BPNT1: variants seen among roughly 807,000 people sequenced by gnomAD.
BPNT1 encodes the protein 3'(2'), 5'-bisphosphate nucleotidase 1.
A neutral mutation model predicts 36.9 loss-of-function variants in BPNT1; 28 were observed. The ratio of observed to expected loss-of-function variants is 0.76; its 90% CI spans 0.56 to 1.04. The LOEUF (loss-of-function observed/expected upper bound fraction) is 1.04. BPNT1 is among the 50% of genes least tolerant of loss of function. The probability of loss-of-function intolerance (pLI) is 0.00; values close to 1 mark genes in which losing one functional copy is unlikely to be tolerated. For synonymous variants in BPNT1, 119 were observed against 130.9 expected, an observed-to-expected ratio of 0.91 and a Z score of 0.62; for missense variants, 313 against 372.9, an observed-to-expected ratio of 0.84 and a Z score of 1.32.
At chr1:220,075,336 C>A (rs1482479617) in intron 2 of BPNT1, among the ~76,000 whole-genome samples, 1 of 152,174 alleles carries the variant, frequency 6.6e-6, no homozygotes, top group Non-Finnish European at 1.5e-5. Flanking sequence ...GCCAGTGCAC[C>A]CAGCCTCATC....
At chr1:220,083,895 C>T (rs536491163) in intron 1 of BPNT1, among the ~76,000 whole-genome samples, 5 of 152,130 alleles carry the variant, frequency 3.3e-5, no homozygotes, top group Non-Finnish European at 7.3e-5. Flanking sequence ...CAACCTCCCT[C>T]ATATACGGAG....
chr1:220,058,623 C>T lies in BPNT1; in HGVS notation c.*221G>A. ...CTCAGCTCACTGCAACCTCTGCCTT[C>T]CGGGCTCAAGAGATTCTTCTGCTTC... On this transcript the variant is annotated 3_prime_UTR_variant, in exon 9 of 9. Transcript: ENST00000322067. 1.3e-6 allele frequency: 1 copy of T among 789,850 alleles called. No homozygotes were observed. The highest frequency in any genetic ancestry group is 3.7e-5 in the Admixed American group (1 of 27,286). The allele number at this position is 789,850 out of a possible 1,614,324, so 48.9% of individuals were successfully genotyped here.
chr1:220,087,903 T>C (rs1164441930), intron 1 of BPNT1, among the ~76,000 whole-genome samples: 4 of 151,858 alleles, frequency 2.6e-5, no homozygotes, highest in Admixed American at 6.6e-5. Context: ...TGAGACAGAG[T>C]TTTTGCTCTT....
intron 1 of BPNT1, among the ~76,000 whole-genome samples, chr1:220,081,448 C>T (rs906480736): frequency 1.3e-5 from 2 of 151,856 alleles, no homozygotes; most frequent in Non-Finnish European, 2.9e-5. Flanking sequence ...GAGGCTAAGG[C>T]AGGAGAATCG....
intron 2 of BPNT1, among the ~76,000 whole-genome samples, chr1:220,079,247 A>C (rs1486399037): frequency 6.6e-6 from 1 of 151,422 alleles, no homozygotes; most frequent in Non-Finnish European, 1.5e-5. Context: ...GAAAGTCTGG[A>C]GTCTTTTTTT....
intron 2 of BPNT1, among the ~76,000 whole-genome samples, chr1:220,075,090 C>G (rs1342732420): frequency 6.6e-6 from 1 of 152,214 alleles, no homozygotes; most frequent in East Asian, 1.9e-4. Flanking sequence ...GTCGCCTAGG[C>G]TGGAGTGCAG....
At position 220,066,927 on chromosome 1, in the gene BPNT1, A is replaced by C. The variant is rs542039925; in HGVS notation, c.474+375T>G. 2 of 152,422 alleles carry C rather than the reference A, an allele frequency of 1.3e-5. 1 individual carries two copies. The highest frequency in any genetic ancestry group is 4.1e-4 in the South Asian group (2 of 4,830). 9.4% of individuals were successfully genotyped at this position (152,422 alleles called of 1,614,324 possible). ...GCCCAAGCTAATCAAGAACCCTATC[A>C]GTAATTCTCTCAACATTTATATTTG... On this transcript the variant is annotated intron_variant, in intron 6 of 8. Coordinates refer to ENST00000322067, the MANE Select transcript of BPNT1 (RefSeq NM_006085.6).
chr1:220,059,914 C>T, intron 7 of BPNT1, 123 bp from the exon 8 acceptor site: 1 of 660,622 alleles, frequency 1.5e-6, no homozygotes, highest in East Asian at 2.8e-5. Flanking sequence ...ATCAGTTCCT[C>T]TGTTAAATTT....
At chr1:220,084,432 T>C (rs1340185610) in intron 1 of BPNT1, among the ~76,000 whole-genome samples, 4 of 152,174 alleles carry the variant, frequency 2.6e-5, no homozygotes, top group East Asian at 1.9e-4. Flanking sequence ...TCCAGACATA[T>C]ATCTGATTTA....
At chr1:220,065,949 A>T in intron 6 of BPNT1, 1 of 548,702 alleles carries the variant, frequency 1.8e-6, no homozygotes, top group Non-Finnish European at 3.0e-6. Context: ...GAGGTAATGA[A>T]GAGAAGCAGA....
intron 4 of BPNT1, 90 bp downstream of exon 4, chr1:220,072,760 C>G: frequency 9.2e-7 from 1 of 1,081,554 alleles, no homozygotes; most frequent in East Asian, 2.4e-5. Context: ...TTATAACTAC[C>G]AATTTTTCAT....
rs1286790916 is a variant in BPNT1 at position 220,057,782 on chromosome 1, CAT to C, written c.*1060_*1061del. The C allele has an allele frequency of 4.9e-6, 5 of 1,010,894 alleles. No individual in the cohort carries two copies. The African/African-American group carries it at 8.4e-5, about 17-fold the overall frequency. The allele number at this position is 1,010,894 out of a possible 1,614,324, so 62.6% of individuals were successfully genotyped here. On this transcript the variant is annotated 3_prime_UTR_variant, in exon 9 of 9. Transcript: ENST00000322067. ...TTTTCTCATAAATCTGTTTCATAAGCATATATAATAACATCATATATATTCTT... is the reference window on the plus strand; with the variant it reads ...TTTTCTCATAAATCTGTTTCATAAGCATATAATAACATCATATATATTCTT...
intron 5 of BPNT1, 52 bp downstream of exon 5, chr1:220,069,332 A>G (rs1239609127): frequency 1.5e-6 from 2 of 1,363,144 alleles, no homozygotes; most frequent in South Asian, 2.7e-5. Flanking sequence ...TACAACTAAC[A>G]TCATATCCTT....
At chr1:220,077,083 C>G (rs1454975795) in intron 2 of BPNT1, among the ~76,000 whole-genome samples, 1 of 152,082 alleles carries the variant, frequency 6.6e-6, no homozygotes, top group Non-Finnish European at 1.5e-5. Context: ...TTAAAGAGAA[C>G]AGTACAATGT....
At chr1:220,072,622 T>C (rs905632212) in intron 4 of BPNT1, among the ~76,000 whole-genome samples, 2 of 152,074 alleles carry the variant, frequency 1.3e-5, no homozygotes, top group Non-Finnish European at 2.9e-5. Context: ...TCCCTAAAAG[T>C]ATTTTAAATA....
intron 2 of BPNT1, among the ~76,000 whole-genome samples, chr1:220,078,187 TAAAAAA>T (rs756467379): frequency 8.6e-6 from 1 of 116,848 alleles, no homozygotes; most frequent in Non-Finnish European, 1.8e-5. Flanking sequence ...CTTGTCTCTT[TAAAAAA>T]AAAAAAAAAA....
intron 1 of BPNT1, among the ~76,000 whole-genome samples, chr1:220,082,085 T>TATATATATAGAG (rs1171093697): frequency 1.9e-5 from 2 of 103,278 alleles, no homozygotes; most frequent in African/African-American, 7.6e-5. Context: ...TATATATATA[T>TATATATATAGAG]AGAGAGAGAG....
At chr1:220,064,312 G>A (rs1285554249) in intron 6 of BPNT1, among the ~76,000 whole-genome samples, 1 of 152,170 alleles carries the variant, frequency 6.6e-6, no homozygotes, top group Non-Finnish European at 1.5e-5. Context: ...AGTACCCTGG[G>A]TGTTGTTATT....
rs1434779564 is a variant in BPNT1, at chr1:220,086,620, G to A, written c.-9+3066C>T. Among the ~76,000 whole-genome samples, 3 of 151,822 alleles carry A rather than the reference G, an allele frequency of 2.0e-5. No homozygotes were observed. In the East Asian group the frequency reaches 5.9e-4, roughly 30 times the overall value. On this transcript the variant is annotated intron_variant, in intron 1 of 8. Transcript: ENST00000322067. ...AGACAGAGTCTCACTCTGTTGTCCA[G>A]GCTGGAGTGCAGTGGCGAGATCACG... is the stretch of plus-strand genomic sequence containing the variant.
Sources: allele counts gnomAD v4.1 joint callset (sites outside exome capture counted in the v4.1 genomes callset), GRCh38; gene constraint gnomAD v4.1.1; transcripts MANE v1.5; gene names NCBI Gene and HGNC (gene_info 2026-07-23, HGNC 2026-07-21).